The following PITPNC1 variants were observed in gnomAD, a reference collection of about 807,000 sequenced individuals.
The protein encoded by PITPNC1 is cytoplasmic phosphatidylinositol transfer protein 1.
A neutral mutation model predicts 44.7 loss-of-function variants in PITPNC1; 18 were observed. The ratio of observed to expected loss-of-function variants is 0.40; its 90% CI spans 0.28 to 0.60. The LOEUF (loss-of-function observed/expected upper bound fraction) is 0.60. PITPNC1 is among the 20% of genes least tolerant of loss of function. The pLI is 0.39. For missense variants in PITPNC1, 290 were observed against 418.4 expected (o/e 0.69, Z 2.68); for synonymous variants, 141 against 149.6 (o/e 0.94, Z 0.42).
At position 67,393,874 on chromosome 17, in the gene PITPNC1, C is replaced by T. The variant is rs536211102; in HGVS notation, c.48+15672C>T. ...TTTGGGATTTTAGAAATGTTTAACT[C>T]AAGAGAAAAATATAACTTAAGTCAG... On this transcript the variant is annotated intron_variant, in intron 1 of 8. Transcript: ENST00000581322. Among the ~76,000 whole-genome samples the T allele has an allele frequency of 8.7e-4, 133 of 152,258 alleles. 3 individuals are homozygous for T. The South Asian group carries it at 0.018, about 21-fold the overall frequency.
At chr17:67,587,633 C>CT (rs2041337443) in intron 5 of PITPNC1, among the ~76,000 whole-genome samples, 1 of 152,164 alleles carries the variant, frequency 6.6e-6, no homozygotes, top group African/African-American at 2.4e-5. Context: ...TGCCCAGGTC[C>CT]TAAGAAGGAC....
chr17:67,539,239 T>C (rs2040570810), intron 2 of PITPNC1, among the ~76,000 whole-genome samples: 3 of 152,206 alleles, frequency 2.0e-5, no homozygotes, highest in African/African-American at 7.2e-5. Flanking sequence ...ATACCACCTC[T>C]TTAGAGAGCA....
At chr17:67,502,054 T>G (rs1366190373) in intron 1 of PITPNC1, among the ~76,000 whole-genome samples, 1 of 152,190 alleles carries the variant, frequency 6.6e-6, no homozygotes, top group African/African-American at 2.4e-5. Flanking sequence ...ATCATAAATT[T>G]GTTTGGGAGG....
At chr17:67,658,397 A>C (rs1426969520) in intron 6 of PITPNC1, among the ~76,000 whole-genome samples, 1 of 151,920 alleles carries the variant, frequency 6.6e-6, no homozygotes, top group Admixed American at 6.6e-5. Flanking sequence ...TTTTTTGCAT[A>C]CTCACAAACC....
chr17:67,609,696 T>C (rs2041662481), intron 5 of PITPNC1, among the ~76,000 whole-genome samples: 1 of 151,968 alleles, frequency 6.6e-6, no homozygotes, highest in Non-Finnish European at 1.5e-5. Context: ...CAGTGGACTC[T>C]TTCTATCCTG....
intron 2 of PITPNC1, among the ~76,000 whole-genome samples, chr17:67,549,988 G>T (rs918886159): frequency 6.6e-6 from 1 of 152,070 alleles, no homozygotes; most frequent in Admixed American, 6.5e-5. Flanking sequence ...AGGAACCAGG[G>T]GAAGTTTTGC....
chr17:67,507,543 G>A (rs1598754735), intron 1 of PITPNC1, among the ~76,000 whole-genome samples: 1 of 151,712 alleles, frequency 6.6e-6, no homozygotes, highest in Non-Finnish European at 1.5e-5. Context: ...AAATTAGCCA[G>A]GCGTGGTGGC....
chr17:67,561,794 C>T (rs1430381364), intron 4 of PITPNC1, among the ~76,000 whole-genome samples: 1 of 152,206 alleles, frequency 6.6e-6, no homozygotes, highest in Non-Finnish European at 1.5e-5. Flanking sequence ...CAGGTTTTCG[C>T]TATGTTGCCC....
At chr17:67,426,743 T>G (rs556135956) in intron 1 of PITPNC1, among the ~76,000 whole-genome samples, 2 of 152,194 alleles carry the variant, frequency 1.3e-5, no homozygotes, top group African/African-American at 4.8e-5. Flanking sequence ...AAATAAAAAA[T>G]AAATTACATA....
chr17:67,400,723 G>A (rs1460878343), intron 1 of PITPNC1, among the ~76,000 whole-genome samples: 1 of 151,350 alleles, frequency 6.6e-6, no homozygotes. Context: ...TATAGCTGAT[G>A]TACTCTATTT....
At chr17:67,585,130 A>AAAT (rs200794774) in intron 5 of PITPNC1, among the ~76,000 whole-genome samples, 2,339 of 151,628 alleles carry the variant, frequency 0.015, 31 homozygotes, top group South Asian at 0.043. Context: ...AAAAAAAAAA[A>AAAT]AAAAAACCAG....
chr17:67,442,801 G>C (rs553212878), intron 1 of PITPNC1, among the ~76,000 whole-genome samples: 2 of 152,062 alleles, frequency 1.3e-5, no homozygotes, highest in South Asian at 4.2e-4. Flanking sequence ...GTTGCAGTGA[G>C]CTGGGATTGC....
At chr17:67,592,408 T>C (rs2144258668) in intron 5 of PITPNC1, among the ~76,000 whole-genome samples, 1 of 152,264 alleles carries the variant, frequency 6.6e-6, no homozygotes, top group South Asian at 2.1e-4. Flanking sequence ...GACTAAATAC[T>C]GTAAAGAAAT....
chr17:67,494,176 TTTCTTTC>T (rs1356917124), intron 1 of PITPNC1, among the ~76,000 whole-genome samples: 1 of 62,626 alleles, frequency 1.6e-5, no homozygotes, highest in Non-Finnish European at 3.4e-5. Flanking sequence ...TCTTTCTTTC[TTTCTTTC>T]TTTTTCTTTC....
intron 3 of PITPNC1, 65 bp from the exon 4 acceptor site, chr17:67,553,545 T>G: frequency 1.4e-6 from 1 of 730,906 alleles, no homozygotes; most frequent in South Asian, 2.2e-5. Context: ...CATATAAGCA[T>G]GATCTAAATC....
chr17:67,532,024 G>A (rs566311734), intron 1 of PITPNC1, among the ~76,000 whole-genome samples: 1 of 152,178 alleles, frequency 6.6e-6, no homozygotes, highest in African/African-American at 2.4e-5. Context: ...GCTCATACAT[G>A]AAAAAAGGAC....
rs747540177 is a variant in PITPNC1, at chr17:67,508,829, C to T, written c.49-23973C>T. Reference sequence around the variant, plus strand: ...AGAGTTTCAGTTTGTGGTGACGGAACGTTCTAGTGATGGCTGCACAACATT... The same window carrying T: ...AGAGTTTCAGTTTGTGGTGACGGAATGTTCTAGTGATGGCTGCACAACATT... On this transcript the variant is annotated intron_variant, in intron 1 of 8. Transcript: ENST00000581322. The surrounding 1 kb of genome is among the most constrained non-coding windows in gnomAD (Gnocchi z 4.2). Among the ~76,000 whole-genome samples the T allele has an allele frequency of 2.0e-5, 3 of 152,130 alleles. No homozygotes were observed. Among genetic ancestry groups the T allele is most frequent in the Non-Finnish European group, 4.4e-5 (3 of 68,036 alleles).
At chr17:67,405,948 C>G (rs1307434247) in intron 1 of PITPNC1, among the ~76,000 whole-genome samples, 3 of 152,050 alleles carry the variant, frequency 2.0e-5, no homozygotes, top group African/African-American at 7.2e-5. Flanking sequence ...GATCCCAGAC[C>G]TTCTGTACAT....
intron 1 of PITPNC1, among the ~76,000 whole-genome samples, chr17:67,446,644 CTATT>C (rs1303134768): frequency 6.6e-6 from 1 of 151,582 alleles, no homozygotes; most frequent in African/African-American, 2.4e-5. Flanking sequence ...GGAGGGTTGA[CTATT>C]TGTGCAGGTT....
Sources: allele counts gnomAD v4.1 joint callset (sites outside exome capture counted in the v4.1 genomes callset), GRCh38; gene constraint gnomAD v4.1.1; non-coding constraint Gnocchi (gnomAD v3.1); transcripts MANE v1.5; gene names NCBI Gene and HGNC (gene_info 2026-07-23, HGNC 2026-07-21).